COQ8B: variants seen among roughly 807,000 people sequenced by gnomAD.
COQ8B encodes atypical kinase COQ8B, mitochondrial.
In COQ8B, 44 loss-of-function variants were observed where a neutral mutation model predicts 62.0. That is an observed-to-expected ratio of 0.71 (90% confidence interval 0.56 to 0.91). The LOEUF (loss-of-function observed/expected upper bound fraction) is 0.91, where lower values mean the gene tolerates loss of function less well. Ranked by LOEUF, COQ8B falls within the 40% of genes least tolerant of loss-of-function variation. The pLI is 0.00. For missense variants in COQ8B, 649 were observed against 731.6 expected, an observed-to-expected ratio of 0.89 and a Z score of 1.30; for synonymous variants, 252 against 289.9, an observed-to-expected ratio of 0.87 and a Z score of 1.33.
intron 12 of COQ8B, among the ~76,000 whole-genome samples, chr19:40,699,406 G>A (rs142197669): frequency 0.024 from 3,364 of 141,322 alleles, 48 homozygotes; most frequent in Non-Finnish European, 0.034. Context: ...CCCCCATCCC[G>A]GTCCTGACCC....
intron 4 of COQ8B, among the ~76,000 whole-genome samples, chr19:40,712,109 A>G (rs1314008581): frequency 2.0e-5 from 3 of 151,430 alleles, no homozygotes; most frequent in East Asian, 1.9e-4. Flanking sequence ...TGCAATCTCT[A>G]CCTCCTGGGT....
chr19:40,693,954 C>T (rs950404008), intron 13 of COQ8B, among the ~76,000 whole-genome samples: 1 of 152,164 alleles, frequency 6.6e-6, no homozygotes, highest in African/African-American at 2.4e-5. Context: ...TCTGCTCCCC[C>T]TGCCCGAGCA....
At position 40,702,684 on chromosome 19, in the gene COQ8B, G is replaced by A; in HGVS notation, c.809C>T (p.Ala270Val). 6.2e-7 allele frequency: 1 copy of A among 1,608,496 alleles called. No individual in the cohort carries two copies. The highest frequency in any genetic ancestry group is 8.5e-7 in the Non-Finnish European group (1 of 1,179,916). Reference protein sequence around the residue: ...MSAALPAGLFAEQSLQALQQE... With the variant: ...MSAALPAGLFVEQSLQALQQE... ...CTGCAAGGCCTGCAGGCTCTGCTCG[G>A]CAAACAGGCCTGTGGGGGAGGTGTG... Residue 270 changes from alanine (A) to valine (V), a missense_variant, in exon 10 of 15, where the codon GCC becomes GTC. Transcript: ENST00000324464.
chr19:40,700,915 C>T (rs2082055894), intron 10 of COQ8B: 1 of 165,256 alleles, frequency 6.1e-6, no homozygotes, highest in Non-Finnish European at 1.3e-5. Flanking sequence ...GGGAAAGAAT[C>T]TTCTGTGTCC....
rs192653056 is a variant in COQ8B at position 40,699,047 on chromosome 19, C to T, written c.1143+1020G>A. 1.3e-3 allele frequency among the ~76,000 whole-genome samples: 196 copies of T among 151,368 alleles called. 3 individuals are homozygous for T. Among genetic ancestry groups the T allele is most frequent in the African/African-American group, 4.6e-3 (190 of 41,230 alleles). On this transcript the variant is annotated intron_variant, in intron 12 of 14. Coordinates refer to ENST00000324464, the MANE Select transcript of COQ8B (RefSeq NM_024876.4). ...CAGGCTGGTTTTAAATTCCTGGCCT[C>T]AAGGGATCCTCCTGCCTCAGCATCC...
chr19:40,713,682 C>CCG lies in COQ8B; in HGVS notation c.289+384_289+385insCG, dbSNP rs1448621948. ...AATGAGCCAAGACGGTGCCACTGCACTCCAGCCTGGGCAACAGAGCGAGAC... is the reference window on the plus strand; with the variant it reads ...AATGAGCCAAGACGGTGCCACTGCACCGTCCAGCCTGGGCAACAGAGCGAGAC... On this transcript the variant is annotated intron_variant, in intron 4 of 14. Coordinates refer to ENST00000324464, the MANE Select transcript of COQ8B (RefSeq NM_024876.4). Among the ~76,000 whole-genome samples the CCG allele has an allele frequency of 7.9e-4, 116 of 146,636 alleles. 1 individual carries two copies. The highest frequency in any genetic ancestry group is 2.8e-3 in the African/African-American group (101 of 36,720).
chr19:40,702,512 G>T, intron 10 of COQ8B, 88 bp downstream of exon 10: 1 of 1,271,898 alleles, frequency 7.9e-7, no homozygotes, highest in East Asian at 2.3e-5. Context: ...CTACCCCACA[G>T]CTCCAGCTGC....
At chr19:40,705,591 A>G in intron 5 of COQ8B, 144 bp from the exon 6 acceptor site, 1 of 823,360 alleles carries the variant, frequency 1.2e-6, no homozygotes, top group Non-Finnish European at 1.7e-6. Flanking sequence ...GGCAACAGTG[A>G]CATCCTTTCT....
intron 5 of COQ8B, among the ~76,000 whole-genome samples, chr19:40,709,407 CTTTTTA>C (rs1175233464): frequency 6.6e-6 from 1 of 152,218 alleles, no homozygotes; most frequent in East Asian, 1.9e-4. Flanking sequence ...CTACCCTCAA[CTTTTTA>C]TTTTATTTTT....
chr19:40,714,572 C>A lies in COQ8B; in HGVS notation c.61G>T (p.Gly21Cys). The change falls in exon 2 of 15, where the codon GGT becomes TGT. Residue 21 changes from glycine to cysteine, a missense_variant. Transcript: ENST00000324464. ...GTGGQLGQTV[G>C]WPCGALGPGP... ...GGCCCCAGGGCCCCACAAGGCCAAC[C>A]AACAGTCTGGCCCAGCTGTCCACCG... is the stretch of plus-strand genomic sequence containing the variant. 1 of 1,613,542 alleles carries A rather than the reference C, an allele frequency of 6.2e-7. No individual in the cohort carries two copies. Among genetic ancestry groups the A allele is most frequent in the South Asian group, 1.1e-5 (1 of 90,982 alleles).
At chr19:40,707,727 T>A (rs1228776284) in intron 5 of COQ8B, among the ~76,000 whole-genome samples, 1 of 152,216 alleles carries the variant, frequency 6.6e-6, no homozygotes, top group African/African-American at 2.4e-5. Context: ...AGTGCTGGGA[T>A]TACAGGCGTG....
In COQ8B at chr19:40,693,016, C is replaced by T. The variant is rs1410025223; in HGVS notation, c.1231G>A (p.Gly411Arg). The stretch of plus-strand genomic sequence containing the variant: ...TTCTGCAGGACACAGTCTCTGTCTC[C>T]ATCAGCTGCAGCCTTCACCACCTGG... ...YIEVVKAAAD[G>R]DRDCVLQKSR... Residue 411 changes from glycine (G) to arginine (R), a missense_variant, in exon 14 of 15, where the codon GGA (glycine) becomes AGA (arginine). Transcript: ENST00000324464. 1.9e-6 allele frequency: 3 copies of T among 1,613,982 alleles called. No homozygotes were observed. The highest frequency in any genetic ancestry group is 2.5e-6 in the Non-Finnish European group (3 of 1,179,900).
chr19:40,703,734 T>C lies in COQ8B; in HGVS notation c.698A>G (p.Glu233Gly). 6.2e-7 allele frequency: 1 copy of C among 1,613,946 alleles called. No individual in the cohort carries two copies. Residue 233 changes from glutamate to glycine, a missense_variant, in exon 8 of 15, where the codon GAG (glutamate) becomes GGG (glycine). Transcript: ENST00000324464. The part of the protein sequence containing the change: ...VHQGLLRDGT[E>G]VAVKIQYPGI... ...TCTCACCTGGATCTTCACGGCCACC[T>C]CCGTCCCGTCCCTCAGCAGGCCCTG...
Position 40,710,664 on chromosome 19 carries a change from G to A in COQ8B, c.290-528C>T, listed in dbSNP as rs566146951. The stretch of plus-strand genomic sequence containing the variant: ...TCTTTAACCCTTTCTCCATGTCTCT[G>A]TCTCCCTCCCAGCAGTTCTCAGCCC... On this transcript the variant is annotated intron_variant, in intron 4 of 14. Coordinates refer to ENST00000324464, the MANE Select transcript of COQ8B (RefSeq NM_024876.4). 2.0e-5 allele frequency among the ~76,000 whole-genome samples: 3 copies of A among 152,168 alleles called. No individual in the cohort carries two copies. In the East Asian group the frequency reaches 5.8e-4, roughly 29 times the overall value.
At chr19:40,699,577 A>G (rs574227924) in intron 12 of COQ8B, among the ~76,000 whole-genome samples, 2 of 152,278 alleles carry the variant, frequency 1.3e-5, no homozygotes, top group Admixed American at 6.5e-5. Context: ...TGTGTTCTGT[A>G]TGGATGACGA....
rs1389832134 is a variant in COQ8B, at chr19:40,714,605, G to A, written c.28C>T (p.Arg10Trp). 3 of 1,610,894 alleles carry A rather than the reference G, an allele frequency of 1.9e-6. No individual in the cohort carries two copies. Among genetic ancestry groups the A allele is most frequent in the Admixed American group, 3.4e-5 (2 of 59,368 alleles). MWLKVGGLL[R>W]GTGGQLGQTV... ...TGGCCCAGCTGTCCACCGGTCCCCC[G>A]AAGTAGGCCCCCCACCTTCAGCCAC... The change falls in exon 2 of 15, where the codon CGG becomes TGG. Residue 10 changes from arginine to tryptophan, a missense_variant. Coordinates refer to ENST00000324464, the MANE Select transcript of COQ8B (RefSeq NM_024876.4).
rs55973839 is a variant in COQ8B, at chr19:40,703,617, G to A, written c.723C>T (p.Pro241=). The change falls in exon 9 of 15, where the codon CCC becomes CCT. Residue 241 remains proline, a synonymous_variant. Transcript: ENST00000324464. ...GTEVAVKIQY[P]GIAQSIQSDV... is the part of the protein sequence containing the mutation. Reference sequence around the variant, plus strand: ...CGCTCTGAATGCTCTGGGCTATGCCGGGGTACTGTAAAGGGAGAAGGGAGG... The same window carrying A: ...CGCTCTGAATGCTCTGGGCTATGCCAGGGTACTGTAAAGGGAGAAGGGAGG... 25 of 1,612,800 alleles carry A rather than the reference G, an allele frequency of 1.6e-5. 1 individual carries two copies. The East Asian group carries it at 1.8e-4, about 12-fold the overall frequency.
rs755170715 is a variant in COQ8B, at chr19:40,703,864, A to C, written c.577-9T>G. On this transcript the variant is annotated splice_polypyrimidine_tract_variant and intron_variant, in intron 7 of 14. Transcript: ENST00000324464. ...TCCTCTTCAAGAACTCTCTGCGGGG[A>C]GTGGTCACAGCCATCATCATTGTGG... 1 of 1,603,396 alleles carries C rather than the reference A, an allele frequency of 6.2e-7. No individual in the cohort carries two copies. The highest frequency in any genetic ancestry group is 1.1e-5 in the South Asian group (1 of 90,112).
chr19:40,700,119 A>C lies in COQ8B; in HGVS notation c.1091T>G (p.Met364Arg), dbSNP rs753687112. 1.2e-5 allele frequency: 20 copies of C among 1,614,146 alleles called. No homozygotes were observed. Among genetic ancestry groups the C allele is most frequent in the Non-Finnish European group, 1.6e-5 (19 of 1,180,052 alleles). Residue 364 changes from methionine (M) to arginine (R), a missense_variant, in exon 12 of 15, where the codon ATG (methionine) becomes AGG (arginine). Physicochemically the swap from Met to Arg is moderately conservative, Grantham distance 91 (BLOSUM62 -1). Transcript: ENST00000324464. The part of the protein sequence containing the change: ...CLRELFEFRF[M>R]QTDPNWANFL... ...GTTGGCCCAGTTGGGGTCAGTCTGC[A>C]TGAATCGGAACTCAAACAGCTCCCG...
Sources: allele counts gnomAD v4.1 joint callset (sites outside exome capture counted in the v4.1 genomes callset), GRCh38; gene constraint gnomAD v4.1.1; transcripts MANE v1.5; gene names NCBI Gene and HGNC (gene_info 2026-07-23, HGNC 2026-07-21).